Variants in TRAPPC9 observed in about 807,000 individuals in gnomAD.
TRAPPC9 encodes the protein trafficking protein particle complex subunit 9.
Under a neutral mutation model 124.0 loss-of-function variants are expected in TRAPPC9, and 83 were observed. The observed-to-expected ratio is 0.67, with a 90% CI of 0.56 to 0.80. The LOEUF (loss-of-function observed/expected upper bound fraction) is 0.80. Ranked by LOEUF, TRAPPC9 falls within the 30% of genes least tolerant of loss-of-function variation. The pLI is 0.00. For missense variants in TRAPPC9, 1,302 were observed against 1,508.3 expected, an observed-to-expected ratio of 0.86 and a Z score of 2.27; for synonymous variants, 638 against 617.5, an observed-to-expected ratio of 1.03 and a Z score of -0.49.
chr8:139,808,737 C>A (rs191472778), intron 21 of TRAPPC9, among the ~76,000 whole-genome samples: 234 of 152,204 alleles, frequency 1.5e-3, no homozygotes, highest in African/African-American at 5.5e-3. Flanking sequence ...TGTCTGGCTT[C>A]TTTCACTTAG....
At chr8:140,081,150 G>A (rs1345677592) in intron 17 of TRAPPC9, among the ~76,000 whole-genome samples, 1 of 152,070 alleles carries the variant, frequency 6.6e-6, no homozygotes, top group East Asian at 1.9e-4. Flanking sequence ...CAGCTGAGAA[G>A]CCTGCCCTCC....
intron 21 of TRAPPC9, among the ~76,000 whole-genome samples, chr8:139,867,078 C>T (rs575409522): frequency 6.6e-6 from 1 of 152,334 alleles, no homozygotes; most frequent in South Asian, 2.1e-4. Context: ...AAGTGATCCG[C>T]CCGCCTTGGC....
chr8:139,802,250 G>A (rs1013247909), intron 21 of TRAPPC9, among the ~76,000 whole-genome samples: 1 of 152,202 alleles, frequency 6.6e-6, no homozygotes, highest in Non-Finnish European at 1.5e-5. Context: ...TCATGGCGCA[G>A]GAGAGACCAG....
intron 21 of TRAPPC9, among the ~76,000 whole-genome samples, chr8:139,878,854 A>C (rs893097612): frequency 6.6e-6 from 1 of 152,382 alleles, no homozygotes; most frequent in African/African-American, 2.4e-5. Context: ...GTGTGGTTGA[A>C]GCGAGAGGAT....
chr8:139,876,810 T>C (rs760183237), intron 21 of TRAPPC9, among the ~76,000 whole-genome samples: 2 of 152,208 alleles, frequency 1.3e-5, no homozygotes, highest in East Asian at 1.9e-4. Flanking sequence ...CCACGAACCA[T>C]GTCCAGCCCC....
chr8:140,100,034 G>A (rs1563761273), intron 17 of TRAPPC9: 1 of 149,666 alleles, frequency 6.7e-6, no homozygotes, highest in East Asian at 2.0e-4. Flanking sequence ...CCTAGAGCAA[G>A]GGACTGCGGA....
upstream of TRAPPC9, among the ~76,000 whole-genome samples, chr8:140,458,076 C>G (rs2071761177): frequency 1.6e-5 from 1 of 62,586 alleles, no homozygotes; most frequent in Non-Finnish European, 3.0e-5. Flanking sequence ...AAGCGGGGGA[C>G]AGGGAGAGGG....
At chr8:140,313,704 C>T in intron 9 of TRAPPC9, among the ~76,000 whole-genome samples, 1 of 152,256 alleles carries the variant, frequency 6.6e-6, no homozygotes, top group Admixed American at 6.5e-5. Flanking sequence ...TGAAGGGAGT[C>T]AAATGCTAAT....
rs1457930060 is a variant in TRAPPC9 at position 140,295,736 on chromosome 8, C to G, written c.1769-4658G>C. 5.3e-5 allele frequency among the ~76,000 whole-genome samples: 8 copies of G among 152,156 alleles called. No homozygotes were observed. The East Asian group carries it at 1.3e-3, about 26-fold the overall frequency. ...TATGCCACCTGCTGTGATGATACCT[C>G]CCCCAATTATACACCGAGGTTCATT... On this transcript the variant is annotated intron_variant, in intron 11 of 22. Coordinates refer to ENST00000438773, the MANE Select transcript of TRAPPC9 (RefSeq NM_001160372.4).
intron 21 of TRAPPC9, among the ~76,000 whole-genome samples, chr8:139,777,043 C>T (rs567736652): frequency 1.2e-4 from 18 of 152,334 alleles, no homozygotes; most frequent in African/African-American, 4.1e-4. Context: ...TCTTCACACA[C>T]ACCACCAAGG....
At chr8:140,070,186 T>C (rs903456990) in intron 17 of TRAPPC9, among the ~76,000 whole-genome samples, 1 of 152,212 alleles carries the variant, frequency 6.6e-6, no homozygotes, top group Non-Finnish European at 1.5e-5. Flanking sequence ...CTGAAGTTGT[T>C]CTCGTATTTG....
At position 140,452,421 on chromosome 8, in the gene TRAPPC9, A is replaced by AAC. The variant is rs1479413173; in HGVS notation, c.-10-1039_-10-1038insGT. ...GGCGACAGAGCCAGACTGCATCTCA[A>AAC]AAAAAAAAAAAAAAAAAAAGAATTA... On this transcript the variant is annotated intron_variant, in intron 1 of 22. Transcript: ENST00000438773. Among the ~76,000 whole-genome samples the AAC allele has an allele frequency of 3.5e-5, 5 of 142,420 alleles. No homozygotes were observed. In the South Asian group the frequency reaches 6.3e-4, roughly 18 times the overall value. 93.4% of individuals were successfully genotyped at this position (142,420 alleles called of 152,430 possible).
intron 21 of TRAPPC9, among the ~76,000 whole-genome samples, chr8:139,767,756 C>T (rs1283158023): frequency 6.6e-6 from 1 of 152,248 alleles, no homozygotes; most frequent in African/African-American, 2.4e-5. Context: ...CGCCAGGCCT[C>T]TCCAGTAATC....
intron 21 of TRAPPC9, among the ~76,000 whole-genome samples, chr8:139,763,616 AC>A (rs1820381766): frequency 6.6e-6 from 1 of 151,870 alleles, no homozygotes; most frequent in African/African-American, 2.4e-5. Context: ...ATAAACACAC[AC>A]ACACACACAC....
intron 17 of TRAPPC9, among the ~76,000 whole-genome samples, chr8:140,080,731 G>A (rs560315858): frequency 1.3e-5 from 2 of 152,248 alleles, no homozygotes; most frequent in Non-Finnish European, 2.9e-5. Context: ...GAGTTTTGGT[G>A]GAAACAAACC....
At chr8:140,339,113 C>T (rs565885122) in intron 9 of TRAPPC9, among the ~76,000 whole-genome samples, 8 of 151,110 alleles carry the variant, frequency 5.3e-5, no homozygotes, top group South Asian at 2.1e-4. Context: ...AGAAAACCAA[C>T]GCCACCAGAC....
chr8:139,856,277 A>C (rs1827792920), intron 21 of TRAPPC9, among the ~76,000 whole-genome samples: 1 of 152,110 alleles, frequency 6.6e-6, no homozygotes, highest in South Asian at 2.1e-4. Context: ...GAATTTCAGC[A>C]TACCTCTTCC....
rs138028661 is a variant in TRAPPC9 at position 140,425,753 on chromosome 8, G to C, written c.886+862C>G. Among the ~76,000 whole-genome samples, 98 of 152,240 alleles carry C rather than the reference G, an allele frequency of 6.4e-4. No homozygotes were observed. The East Asian group carries it at 0.016, about 25-fold the overall frequency. On this transcript the variant is annotated intron_variant, in intron 5 of 22. Coordinates refer to ENST00000438773, the MANE Select transcript of TRAPPC9 (RefSeq NM_001160372.4). ...TGGCGGGGCTTTCAGCTCTTCAGTGGCATAAAGTCTGCCCGCCTGACTGTC... is the reference window on the plus strand; with the variant it reads ...TGGCGGGGCTTTCAGCTCTTCAGTGCCATAAAGTCTGCCCGCCTGACTGTC...
chr8:139,763,792 A>T (rs766585273), intron 21 of TRAPPC9, among the ~76,000 whole-genome samples: 1 of 152,232 alleles, frequency 6.6e-6, no homozygotes, highest in African/African-American at 2.4e-5. Flanking sequence ...TCGAAGCTGT[A>T]CAAGCTAAGA....
Sources: gnomAD v4.1 joint callset for allele counts (sites outside exome capture counted in the v4.1 genomes callset) on GRCh38, gnomAD v4.1.1 for gene constraint, MANE v1.5 for transcripts, NCBI Gene and HGNC (gene_info 2026-07-23, HGNC 2026-07-21) for gene names.